The following ZCCHC4 variants were observed in gnomAD, a reference collection of about 807,000 sequenced individuals.
ZCCHC4 encodes zinc finger CCHC-type containing 4, also known as rRNA N(6)-adenosine-methyltransferase ZCCHC4.
A neutral mutation model predicts 67.7 loss-of-function variants in ZCCHC4; 54 were observed. The ratio of observed to expected loss-of-function variants is 0.80; its 90% confidence interval spans 0.64 to 1.00. The LOEUF (loss-of-function observed/expected upper bound fraction) is 1.00, where lower values mean the gene tolerates loss of function less well. Ranked by LOEUF, ZCCHC4 falls within the 50% of genes least tolerant of loss-of-function variation. ZCCHC4 has a pLI of 0.00. For synonymous variants in ZCCHC4, 198 were observed against 213.5 expected, an observed-to-expected ratio of 0.93 and a Z score of 0.63; for missense variants, 609 against 617.0, an observed-to-expected ratio of 0.99 and a Z score of 0.14.
At position 25,366,385 on chromosome 4, in the gene ZCCHC4, G is replaced by A. The variant is rs538302451; in HGVS notation, c.1406+1219G>A. ...GGCTGGAGTGCAGTGGCCTGATCTC[G>A]GCTCACTGTAAGCTCCGCCTCCCGG... On this transcript the variant is annotated intron_variant, in intron 12 of 12. Transcript: ENST00000302874. 31 of 559,854 alleles carry A rather than the reference G, an allele frequency of 5.5e-5. No homozygotes were observed. In the Admixed American group the frequency reaches 1.4e-3, roughly 25 times the overall value. 34.7% of individuals were successfully genotyped at this position (559,854 alleles called of 1,614,324 possible).
At chr4:25,332,297 C>CA (rs35606314) in intron 3 of ZCCHC4, among the ~76,000 whole-genome samples, 53 of 93,988 alleles carry the variant, frequency 5.6e-4, no homozygotes, top group South Asian at 2.1e-3. Flanking sequence ...GACTCCATCT[C>CA]AAAAAAAAAA....
chr4:25,319,558 G>A lies in ZCCHC4; in HGVS notation c.329+4158G>A, dbSNP rs187475620. On this transcript the variant is annotated intron_variant, in intron 3 of 12. Transcript: ENST00000302874. The stretch of plus-strand genomic sequence containing the variant: ...TTCACTGTATCACTTTGTAATCAAT[G>A]TTCCTATGCTTTATTATATGCTTTC... Among the ~76,000 whole-genome samples the A allele has an allele frequency of 2.3e-3, 357 of 152,222 alleles. 6 individuals are homozygous for A. The highest frequency in any genetic ancestry group is 4.7e-4 in the Non-Finnish European group (32 of 68,030).
At chr4:25,324,704 T>A (rs1348722965) in intron 3 of ZCCHC4, among the ~76,000 whole-genome samples, 2 of 152,342 alleles carry the variant, frequency 1.3e-5, no homozygotes, top group Admixed American at 1.3e-4. Flanking sequence ...TTTTCCTGTC[T>A]CCTACAACAC....
chr4:25,337,871 A>C (rs2109069420), intron 5 of ZCCHC4, among the ~76,000 whole-genome samples: 1 of 152,240 alleles, frequency 6.6e-6, no homozygotes, highest in East Asian at 1.9e-4. Flanking sequence ...TAGTGGACTT[A>C]CTTACAAACA....
intron 3 of ZCCHC4, among the ~76,000 whole-genome samples, chr4:25,327,091 G>T (rs1052717662): frequency 1.3e-5 from 2 of 152,150 alleles, no homozygotes; most frequent in South Asian, 2.1e-4. Flanking sequence ...GCTTTTTGAA[G>T]ATTTCCTTAG....
intron 6 of ZCCHC4, among the ~76,000 whole-genome samples, chr4:25,347,885 A>G (rs1720097800): frequency 6.6e-6 from 1 of 152,264 alleles, no homozygotes; most frequent in African/African-American, 2.4e-5. Context: ...ACTGAGATAA[A>G]GGAAAGAGTC....
intron 6 of ZCCHC4, among the ~76,000 whole-genome samples, chr4:25,347,007 A>G (rs1034453917): frequency 1.3e-5 from 2 of 152,168 alleles, no homozygotes; most frequent in African/African-American, 4.8e-5. Context: ...TTTTTCTTCT[A>G]ACAGAGGGAA....
intron 5 of ZCCHC4, among the ~76,000 whole-genome samples, chr4:25,341,000 G>A (rs528855683): frequency 2.6e-5 from 4 of 151,598 alleles, no homozygotes; most frequent in South Asian, 2.1e-4. Context: ...AAATAATATC[G>A]TCTCTTCCTT....
Position 25,349,529 on chromosome 4 carries a change from A to G in ZCCHC4, c.797A>G (p.Asp266Gly). ...LEVCRAFLQE[D>G]KGEGIIMVTD... ...GTATGCAGAGCATTTTTACAGGAAGATAAAGGCGAAGGAATCATTATGGTG... is the reference window on the plus strand; with the variant it reads ...GTATGCAGAGCATTTTTACAGGAAGGTAAAGGCGAAGGAATCATTATGGTG... Residue 266 changes from aspartate to glycine, a missense_variant, in exon 7 of 13, where the codon GAT (aspartate) becomes GGT (glycine). By Grantham distance (94) the Asp-to-Gly change is moderately conservative. Transcript: ENST00000302874. 1 of 1,614,018 alleles carries G rather than the reference A, an allele frequency of 6.2e-7. No individual in the cohort carries two copies. The highest frequency in any genetic ancestry group is 1.3e-5 in the African/African-American group (1 of 75,036).
intron 3 of ZCCHC4, among the ~76,000 whole-genome samples, chr4:25,318,694 T>G (rs1718412220): frequency 6.6e-6 from 1 of 152,158 alleles, no homozygotes; most frequent in Admixed American, 6.5e-5. Flanking sequence ...AGAGTATATT[T>G]TTTTGATAAA....
At chr4:25,342,220 G>A (rs186897668) in intron 5 of ZCCHC4, among the ~76,000 whole-genome samples, 109 of 152,194 alleles carry the variant, frequency 7.2e-4, no homozygotes, top group Middle Eastern at 3.4e-3. Context: ...ACAGCATGAC[G>A]GAGTGTGTGG....
Position 25,314,093 on chromosome 4 carries a change from C to T in ZCCHC4, c.175C>T (p.Arg59Trp), listed in dbSNP as rs770916713. 3.1e-6 allele frequency: 5 copies of T among 1,607,668 alleles called. No homozygotes were observed. The highest frequency in any genetic ancestry group is 2.7e-5 in the African/African-American group (2 of 73,762). Residue 59 changes from arginine (R) to tryptophan (W), a missense_variant, in exon 2 of 13, where the codon CGG (arginine) becomes TGG (tryptophan). Physicochemically the swap from Arg to Trp is moderately radical, Grantham distance 101 (BLOSUM62 -3). Coordinates refer to ENST00000302874, the MANE Select transcript of ZCCHC4 (RefSeq NM_024936.3). ...GGTGACCCAAGGGAAAGAAGAAACT[C>T]GGAGGTTTTATGCCTGTTCAGCCTG... The part of the protein sequence containing the change: ...VKVTQGKEET[R>W]RFYACSACRD...
chr4:25,362,131 G>T (rs1720763004), intron 9 of ZCCHC4, 95 bp from the exon 10 acceptor site: 11 of 1,446,830 alleles, frequency 7.6e-6, no homozygotes, highest in Non-Finnish European at 1.0e-5. Flanking sequence ...AATTCAGATT[G>T]CACCCAGTTT....
chr4:25,316,553 G>GT (rs1449492822), intron 3 of ZCCHC4, among the ~76,000 whole-genome samples: 3 of 152,066 alleles, frequency 2.0e-5, no homozygotes, highest in Admixed American at 1.3e-4. Flanking sequence ...TTTGATTTTT[G>GT]TTTTTTATCA....
chr4:25,320,178 T>G lies in ZCCHC4; in HGVS notation c.329+4778T>G, dbSNP rs187864523. ...ACATATTTACATTTTGTGCCTGAGA[T>G]TTGCTTTTTTTTTTATAGTTTTTAG... On this transcript the variant is annotated intron_variant, in intron 3 of 12. Coordinates refer to ENST00000302874, the MANE Select transcript of ZCCHC4 (RefSeq NM_024936.3). Among the ~76,000 whole-genome samples, 392 of 152,272 alleles carry G rather than the reference T, an allele frequency of 2.6e-3. 2 individuals are homozygous for G. The highest frequency in any genetic ancestry group is 9.0e-3 in the African/African-American group (374 of 41,562).
At chr4:25,354,043 G>A (rs879692740) in intron 8 of ZCCHC4, among the ~76,000 whole-genome samples, 1 of 152,074 alleles carries the variant, frequency 6.6e-6, no homozygotes, top group East Asian at 1.9e-4. Context: ...GGCAAAAACC[G>A]CAATTACTTT....
chr4:25,339,266 A>G (rs950044517), intron 5 of ZCCHC4, among the ~76,000 whole-genome samples: 1 of 152,208 alleles, frequency 6.6e-6, no homozygotes, highest in Non-Finnish European at 1.5e-5. Context: ...GGGCTTCAAC[A>G]TAAGGATTTT....
At chr4:25,367,990 C>T (rs1721013944) in intron 12 of ZCCHC4, among the ~76,000 whole-genome samples, 3 of 152,156 alleles carry the variant, frequency 2.0e-5, no homozygotes, top group African/African-American at 7.2e-5. Context: ...TGACTATCCC[C>T]CTTATCTCTG....
At chr4:25,357,653 T>G (rs1370600698) in intron 8 of ZCCHC4, among the ~76,000 whole-genome samples, 4 of 152,254 alleles carry the variant, frequency 2.6e-5, no homozygotes, top group Non-Finnish European at 5.9e-5. Flanking sequence ...TGTGATTCAC[T>G]TATTAAATAG....
Sources: allele counts gnomAD v4.1 joint callset (sites outside exome capture counted in the v4.1 genomes callset), GRCh38; gene constraint gnomAD v4.1.1; transcripts MANE v1.5; gene names NCBI Gene and HGNC (gene_info 2026-07-23, HGNC 2026-07-21).